The following LGMN variants were observed in gnomAD, a reference collection of about 807,000 sequenced individuals.
LGMN encodes the protein legumain, also known as asparaginyl endopeptidase.
Under a neutral mutation model 56.8 loss-of-function variants are expected in LGMN, and 36 were observed. That is an observed-to-expected ratio of 0.63 (90% CI 0.49 to 0.84). The LOEUF is 0.84. LGMN is among the 40% of genes least tolerant of loss of function. The probability of loss-of-function intolerance (pLI) is 0.00; values close to 1 mark genes in which losing one functional copy is unlikely to be tolerated. For synonymous variants in LGMN, 199 were observed against 210.1 expected, an observed-to-expected ratio of 0.95 and a Z score of 0.46; for missense variants, 446 against 556.1, an observed-to-expected ratio of 0.80 and a Z score of 1.99.
intron 1 of LGMN, among the ~76,000 whole-genome samples, chr14:92,733,160 A>G (rs888058496): frequency 6.6e-6 from 1 of 152,084 alleles, no homozygotes; most frequent in African/African-American, 2.4e-5. Flanking sequence ...AAAAAAAAAA[A>G]AAAAAAGAAC....
chr14:92,733,486 AGTATTT>A (rs1435829100), intron 1 of LGMN, among the ~76,000 whole-genome samples: 1 of 152,240 alleles, frequency 6.6e-6, no homozygotes, highest in Non-Finnish European at 1.5e-5. Context: ...CATACTATGA[AGTATTT>A]GTAAGAAAAG....
intron 2 of LGMN, among the ~76,000 whole-genome samples, chr14:92,720,937 C>T (rs925279488): frequency 2.6e-5 from 4 of 151,746 alleles, no homozygotes; most frequent in Non-Finnish European, 5.9e-5. Flanking sequence ...GTCTCCCAGG[C>T]GGGAGTGCAC....
At chr14:92,747,445 G>C (rs1184723079) in intron 1 of LGMN, among the ~76,000 whole-genome samples, 4 of 152,060 alleles carry the variant, frequency 2.6e-5, no homozygotes, top group Non-Finnish European at 5.9e-5. Context: ...AGCCGAGATC[G>C]CACCACTGCA....
intron 2 of LGMN, among the ~76,000 whole-genome samples, chr14:92,723,158 T>C (rs190912342): frequency 0.022 from 3,369 of 152,106 alleles, 138 homozygotes; most frequent in African/African-American, 0.077. Flanking sequence ...GCGATGCTAC[T>C]GCCTCAGCCT....
intron 2 of LGMN, among the ~76,000 whole-genome samples, chr14:92,723,764 C>T (rs1456742133): frequency 6.6e-6 from 1 of 151,896 alleles, no homozygotes; most frequent in African/African-American, 2.4e-5. Flanking sequence ...GTCAGTCTTG[C>T]TCTGTTGCCC....
At chr14:92,738,976 A>G (rs1225623731) in intron 1 of LGMN, among the ~76,000 whole-genome samples, 1 of 150,442 alleles carries the variant, frequency 6.6e-6, no homozygotes, top group Non-Finnish European at 1.5e-5. Flanking sequence ...CCAAGATCGC[A>G]CCACTGCACT....
intron 1 of LGMN, among the ~76,000 whole-genome samples, chr14:92,745,045 C>A (rs1305524584): frequency 1.3e-5 from 2 of 152,142 alleles, no homozygotes; most frequent in African/African-American, 2.4e-5. Flanking sequence ...TGCCTGTAAT[C>A]CCAGTACTCT....
chr14:92,726,357 G>C (rs1459799062), intron 2 of LGMN, among the ~76,000 whole-genome samples: 2 of 152,118 alleles, frequency 1.3e-5, no homozygotes, highest in Admixed American at 1.3e-4. Context: ...ACTGCAGTCT[G>C]CCCAGCCTGT....
intron 10 of LGMN, among the ~76,000 whole-genome samples, chr14:92,711,251 A>T: frequency 6.6e-6 from 1 of 152,172 alleles, no homozygotes; most frequent in East Asian, 1.9e-4. Flanking sequence ...ACCCCAGAAA[A>T]TCCAAGGTGC....
chr14:92,714,006 T>G lies in LGMN; in HGVS notation c.481-121A>C, dbSNP rs1372016864. ...TTCTACCAATCCCTAGAAGTAATCA[T>G]GGTGAAGAACATAACCCCAGAATGT... On this transcript the variant is annotated intron_variant, in intron 6 of 13. Transcript: ENST00000334869. The surrounding 1 kb of genome is among the most constrained non-coding windows in gnomAD (Gnocchi z 5.1). 2.5e-6 allele frequency: 2 copies of G among 797,652 alleles called. No individual in the cohort carries two copies. Among genetic ancestry groups the G allele is most frequent in the Non-Finnish European group, 4.4e-6 (2 of 454,258 alleles). 49.4% of individuals were successfully genotyped at this position (797,652 alleles called of 1,614,324 possible).
In LGMN at chr14:92,717,458, A is replaced by C; in HGVS notation, c.240T>G (p.Asn80Lys). Residue 80 changes from asparagine to lysine, a missense_variant, in exon 4 of 14, where the codon AAT (asparagine) becomes AAG (lysine). Asn to Lys is a moderately conservative substitution (Grantham distance 94). Transcript: ENST00000334869. ...TGTTGATCACAATTCCTGGAGTGGG[A>C]TTGCTGAAAATTAAAGGACACAATT... ...MYDDIAYSED[N>K]PTPGIVINRP... The C allele has an allele frequency of 6.2e-7, 1 of 1,610,766 alleles. No individual in the cohort carries two copies. Among genetic ancestry groups the C allele is most frequent in the Non-Finnish European group, 8.5e-7 (1 of 1,177,042 alleles).
chr14:92,718,009 G>T (rs1595537951), intron 3 of LGMN, among the ~76,000 whole-genome samples: 1 of 152,144 alleles, frequency 6.6e-6, no homozygotes. Flanking sequence ...AGATAAGCAG[G>T]CACAAGGGAA....
chr14:92,713,151 A>G (rs972616445), intron 7 of LGMN, among the ~76,000 whole-genome samples: 1 of 152,240 alleles, frequency 6.6e-6, no homozygotes, highest in Non-Finnish European at 1.5e-5. Context: ...CATCCAGTGC[A>G]GGGAGGAGTT....
rs1211097632 is a variant in LGMN at position 92,719,236 on chromosome 14, GCCACCACCGCCACCACCA to G, written c.139-410_139-393del. Among the ~76,000 whole-genome samples the G allele has an allele frequency of 3.0e-3, 220 of 72,864 alleles. 6 individuals carry two copies. Among genetic ancestry groups the G allele is most frequent in the Middle Eastern group, 0.024 (4 of 170 alleles). The allele number at this position is 72,864 out of a possible 152,430, so 47.8% of individuals were successfully genotyped here. On this transcript the variant is annotated intron_variant, in intron 2 of 13. Transcript: ENST00000334869. Reference sequence around the variant, plus strand: ...CGCCACCAACACCACCACCGCCACCGCCACCACCGCCACCACCACCACCGCCACCGCCGCCGCCGCCAC... The same window carrying G: ...CGCCACCAACACCACCACCGCCACCGCCACCGCCACCGCCGCCGCCGCCAC...
chr14:92,718,927 C>T (rs1890208827), intron 2 of LGMN, 83 bp from the exon 3 acceptor site: 1 of 809,508 alleles, frequency 1.2e-6, no homozygotes, highest in African/African-American at 1.7e-5. Context: ...GTTCTGTCTC[C>T]TGGAAGACTT....
chr14:92,726,932 G>C (rs1890770651), intron 2 of LGMN, among the ~76,000 whole-genome samples: 1 of 152,208 alleles, frequency 6.6e-6, no homozygotes, highest in Non-Finnish European at 1.5e-5. Flanking sequence ...TGGCCAGGAA[G>C]ACTCGGGACA....
At chr14:92,708,362 C>T (rs953884042) in intron 11 of LGMN, among the ~76,000 whole-genome samples, 13 of 151,854 alleles carry the variant, frequency 8.6e-5, no homozygotes, top group Non-Finnish European at 1.6e-4. Context: ...ACTTTCAGGG[C>T]CCAGGTGGGA....
At position 92,717,448 on chromosome 14, in the gene LGMN, C is replaced by G. The variant is rs976054883; in HGVS notation, c.250G>C (p.Gly84Arg). ...CCATTGGGCCTGTTGATCACAATTC[C>G]TGGAGTGGGATTGCTGAAAATTAAA... ...IAYSEDNPTP[G>R]IVINRPNGTD... is the part of the protein sequence containing the mutation. The change falls in exon 4 of 14, where the codon GGA becomes CGA. Residue 84 changes from glycine to arginine, a missense_variant. Transcript: ENST00000334869. The G allele has an allele frequency of 1.2e-6, 2 of 1,613,040 alleles. No homozygotes were observed. The highest frequency in any genetic ancestry group is 3.3e-5 in the Admixed American group (2 of 60,012).
At position 92,704,156 on chromosome 14, in the gene LGMN, C is replaced by T. The variant is rs754629096; in HGVS notation, c.*163G>A. The T allele has an allele frequency of 2.1e-5, 17 of 828,308 alleles. No homozygotes were observed. The highest frequency in any genetic ancestry group is 5.1e-5 in the East Asian group (2 of 39,008). 51.3% of individuals were successfully genotyped at this position (828,308 alleles called of 1,614,324 possible). ...AAAAGACTGGGGAAGCAGGTAACAG[C>T]GAGCAAGTCATCTTGTGAAGAAGGT... On this transcript the variant is annotated 3_prime_UTR_variant, in exon 14 of 14. Transcript: ENST00000334869.
Sources: allele counts gnomAD v4.1 joint callset (sites outside exome capture counted in the v4.1 genomes callset), GRCh38; gene constraint gnomAD v4.1.1; non-coding constraint Gnocchi (gnomAD v3.1); transcripts MANE v1.5; gene names NCBI Gene and HGNC (gene_info 2026-07-23, HGNC 2026-07-21).